ERI2: variants seen among roughly 807,000 people sequenced by gnomAD.
The protein encoded by ERI2 is ERI1 exoribonuclease family member 2.
Under a neutral mutation model 46.8 loss-of-function variants are expected in ERI2, and 35 were observed. That is an observed-to-expected ratio of 0.75 (90% CI 0.57 to 0.99). The LOEUF (loss-of-function observed/expected upper bound fraction) is 0.99. Among genes scored for constraint, ERI2 ranks in the 50% least tolerant of loss-of-function variants. The pLI is 0.00. For synonymous variants in ERI2, 224 were observed against 271.0 expected, an observed-to-expected ratio of 0.83 and a Z score of 1.70; for missense variants, 695 against 796.2, an observed-to-expected ratio of 0.87 and a Z score of 1.53.
Position 20,789,554 on chromosome 16 carries a change from A to G in ERI2, c.819T>C (p.Cys273=). Residue 273 remains cysteine, a synonymous_variant, in exon 10 of 11, where the codon TGT becomes TGC. Transcript: ENST00000300005. ...TCTGAAGTAAGGTTCTGTAGGTTCC[A>G]CAGCTAAACAAAGTTTGAAAACCAG... 3 of 1,610,178 alleles carry G rather than the reference A, an allele frequency of 1.9e-6. No individual in the cohort carries two copies. In the East Asian group the frequency reaches 6.7e-5, roughly 36 times the overall value.
intron 1 of ERI2, chr16:20,805,858 A>T: frequency 3.5e-6 from 2 of 577,638 alleles, no homozygotes; most frequent in Non-Finnish European, 4.4e-6. Flanking sequence ...CGGACACAGC[A>T]GTAGGGTGGA....
intron 1 of ERI2, among the ~76,000 whole-genome samples, chr16:20,804,135 T>C (rs75758109): frequency 0.05 from 7,620 of 151,748 alleles, 281 homozygotes; most frequent in Non-Finnish European, 0.079. Flanking sequence ...ATTACAGGCC[T>C]GAGCCACTGT....
chr16:20,803,322 C>T, intron 3 of ERI2, 111 bp downstream of exon 3: 3 of 1,205,358 alleles, frequency 2.5e-6, no homozygotes, highest in Non-Finnish European at 3.4e-6. Flanking sequence ...TTGCATTAAA[C>T]TACCAATGCA....
downstream of ERI2, chr16:20,796,218 C>G: frequency 1.5e-6 from 2 of 1,324,486 alleles, no homozygotes; most frequent in Non-Finnish European, 2.0e-6. Flanking sequence ...CAGGAAGTGG[C>G]TGGCTTAAGA....
At chr16:20,781,854 A>T in intron 10 of ERI2, 4 of 1,263,844 alleles carry the variant, frequency 3.2e-6, no homozygotes, top group East Asian at 2.3e-5. Context: ...AAAATAAAAG[A>T]TCTTTCTGCC....
downstream of ERI2, chr16:20,792,309 A>G: frequency 6.2e-7 from 1 of 1,614,112 alleles, no homozygotes; most frequent in South Asian, 1.1e-5. Context: ...AGCTGTTGTC[A>G]GCAGCCCAGA....
chr16:20,785,158 A>G, intron 10 of ERI2: 1 of 1,604,240 alleles, frequency 6.2e-7, no homozygotes, highest in Admixed American at 1.7e-5. Flanking sequence ...AGTCAGATGA[A>G]TAAAAACCAA....
rs1469321980 is a variant in ERI2, at chr16:20,796,401, A to G, written c.*1323T>C. On this transcript the variant is annotated 3_prime_UTR_variant, in exon 9 of 9. Transcript: ENST00000357967. ...AAGGCTTTTGTCGTTCTAAATCCTGATTACAAGTCACATGATCAAGAACAA... is the reference window on the plus strand; with the variant it reads ...AAGGCTTTTGTCGTTCTAAATCCTGGTTACAAGTCACATGATCAAGAACAA... 6 of 1,613,616 alleles carry G rather than the reference A, an allele frequency of 3.7e-6. No homozygotes were observed. In the African/African-American group the frequency reaches 6.7e-5, roughly 18 times the overall value.
In ERI2 at chr16:20,797,134, T is replaced by C; in HGVS notation, c.*590A>G. The C allele has an allele frequency of 6.6e-6, 9 of 1,367,100 alleles. No homozygotes were observed. The highest frequency in any genetic ancestry group is 7.5e-6 in the Non-Finnish European group (8 of 1,061,776). The allele number at this position is 1,367,100 out of a possible 1,614,324, so 84.7% of individuals were successfully genotyped here. ...TGATATCAGAGGCTAAATTTTGAAA[T>C]AAAATATTTGGCAAATTCCTCCACA... is the stretch of plus-strand genomic sequence containing the variant. On this transcript the variant is annotated 3_prime_UTR_variant, in exon 9 of 9. Transcript: ENST00000357967.
rs1052439403 is a variant in ERI2 at position 20,798,218 on chromosome 16, G to T, written c.1582C>A (p.Leu528Ile). 1.3e-6 allele frequency: 2 copies of T among 1,551,492 alleles called. No homozygotes were observed. Among genetic ancestry groups the T allele is most frequent in the African/African-American group, 1.4e-5 (1 of 73,032 alleles). ...GGATTCCTTTTGGTACCACCTGAAA[G>T]AAGAGGATGTTTCCCCAAAACTAAA... Reference protein sequence around the residue: ...HPLVLGKHPLLSGGTKRNPCS... With the variant: ...HPLVLGKHPLISGGTKRNPCS... The change falls in exon 9 of 9, where the codon CTT becomes ATT. Residue 528 changes from leucine (L) to isoleucine (I), a missense_variant. By Grantham distance (5) the Leu-to-Ile change is conservative. Coordinates refer to ENST00000357967, the MANE Select transcript of ERI2 (RefSeq NM_001142725.2).
Position 20,798,154 on chromosome 16 carries a change from G to C in ERI2, c.1646C>G (p.Pro549Arg). The C allele has an allele frequency of 6.4e-7, 1 of 1,551,536 alleles. No homozygotes were observed. The highest frequency in any genetic ancestry group is 8.7e-7 in the Non-Finnish European group (1 of 1,146,904). The change falls in exon 9 of 9, where the codon CCC becomes CGC. Residue 549 changes from proline to arginine, a missense_variant. Coordinates refer to ENST00000357967, the MANE Select transcript of ERI2 (RefSeq NM_001142725.2). ...AGGCTTTTCTTCATGAATAGTGAAG[G>C]GTTGTTTTTTTGCTGGTGGGAAAGC... is the stretch of plus-strand genomic sequence containing the variant. ...PQAFPPAKKQPFTIHEEKPTS... is the reference protein window; with the variant it reads ...PQAFPPAKKQRFTIHEEKPTS...
In ERI2 at chr16:20,801,325, C is replaced by A; in HGVS notation, c.338G>T (p.Cys113Phe). 6.2e-7 allele frequency: 1 copy of A among 1,606,420 alleles called. No individual in the cohort carries two copies. The highest frequency in any genetic ancestry group is 1.1e-5 in the South Asian group (1 of 89,448). Residue 113 changes from cysteine (C) to phenylalanine (F), a missense_variant, in exon 5 of 9, where the codon TGC becomes TTC. Physicochemically the swap from Cys to Phe is radical, Grantham distance 205. Transcript: ENST00000357967. ...QVDEGVPLKICLSQFCKWIHK... is the reference protein window; with the variant it reads ...QVDEGVPLKIFLSQFCKWIHK... ...AATCCATTTACAGAACTGAGATAAG[C>A]AAATCTTCAGAGGGACTCCTTCATC... is the stretch of plus-strand genomic sequence containing the variant.
At chr16:20,791,702 G>A (rs529595009), downstream of ERI2, among the ~76,000 whole-genome samples, 20 of 152,242 alleles carry the variant, frequency 1.3e-4, no homozygotes, top group African/African-American at 4.1e-4. Flanking sequence ...CAAGGTGGGC[G>A]GATCACTTGA....
intron 1 of ERI2, among the ~76,000 whole-genome samples, chr16:20,804,324 AAT>A (rs2080826771): frequency 6.6e-6 from 1 of 152,158 alleles, no homozygotes; most frequent in African/African-American, 2.4e-5. Context: ...AAGACAAGAC[AAT>A]GTAGGACATG....
Position 20,798,268 on chromosome 16 carries a change from C to T in ERI2, c.1532G>A (p.Arg511Lys). 6.4e-7 allele frequency: 1 copy of T among 1,551,576 alleles called. No homozygotes were observed. Among genetic ancestry groups the T allele is most frequent in the South Asian group, 1.2e-5 (1 of 84,062 alleles). ...AGGATGAGACATATTGGCATTAACT[C>T]TGTTGAAGGTACTTGATTTGTGTTC... is the stretch of plus-strand genomic sequence containing the variant. ...LPEHKSSTFN[R>K]VNANMSHPLV... is the part of the protein sequence containing the mutation. Residue 511 changes from arginine (R) to lysine (K), a missense_variant, in exon 9 of 9, where the codon AGA becomes AAA. By Grantham distance (26) the Arg-to-Lys change is conservative. Transcript: ENST00000357967.
intron 10 of ERI2, chr16:20,786,373 A>G: frequency 1.0e-6 from 1 of 978,798 alleles, no homozygotes; most frequent in East Asian, 3.2e-5. Context: ...TACAGTTCTA[A>G]GCATTTAATA....
At chr16:20,780,899 AAAG>A in intron 10 of ERI2, 2 of 1,613,710 alleles carry the variant, frequency 1.2e-6, no homozygotes, top group Non-Finnish European at 1.7e-6. Flanking sequence ...TCAAAACTGC[AAAG>A]ATGATGACTT....
downstream of ERI2, chr16:20,792,354 G>C: frequency 6.2e-7 from 1 of 1,613,008 alleles, no homozygotes; most frequent in Non-Finnish European, 8.5e-7. Flanking sequence ...ACTGATTCAT[G>C]TCAACTTTAT....
chr16:20,785,641 G>C (rs960243374), intron 10 of ERI2, among the ~76,000 whole-genome samples: 1 of 152,154 alleles, frequency 6.6e-6, no homozygotes, highest in African/African-American at 2.4e-5. Context: ...TGGTTATTTT[G>C]TAGAAGAGGG....
Sources: allele counts gnomAD v4.1 joint callset (sites outside exome capture counted in the v4.1 genomes callset), GRCh38; gene constraint gnomAD v4.1.1; transcripts MANE v1.5; gene names NCBI Gene and HGNC (gene_info 2026-07-23, HGNC 2026-07-21).